Variants in FSTL5 observed in about 807,000 individuals in gnomAD.
FSTL5 encodes follistatin-related protein 5.
In FSTL5, 62 loss-of-function variants were observed where a neutral mutation model predicts 89.1. That is an observed-to-expected ratio of 0.70 (90% confidence interval 0.57 to 0.86). The LOEUF is 0.86. Among genes scored for constraint, FSTL5 ranks in the 40% least tolerant of loss-of-function variants. The probability of loss-of-function intolerance (pLI) is 0.00; values close to 1 mark genes in which losing one functional copy is unlikely to be tolerated. For synonymous variants in FSTL5, 383 were observed against 346.2 expected (o/e 1.11, Z -1.18); for missense variants, 1,057 against 1,001.6 (o/e 1.06, Z -0.75).
At chr4:161,533,109 C>A (rs1731478138) in intron 10 of FSTL5, among the ~76,000 whole-genome samples, 1 of 151,178 alleles carries the variant, frequency 6.6e-6, no homozygotes, top group South Asian at 2.1e-4. Context: ...TGGTAAATAC[C>A]TGCATCAAGA....
chr4:161,618,088 G>T (rs908983309), intron 7 of FSTL5, among the ~76,000 whole-genome samples: 2 of 150,228 alleles, frequency 1.3e-5, no homozygotes, highest in Admixed American at 1.3e-4. Flanking sequence ...TGAAGCAATT[G>T]TGAATGGGAG....
At chr4:161,474,503 A>G (rs1734054438) in intron 13 of FSTL5, among the ~76,000 whole-genome samples, 1 of 151,534 alleles carries the variant, frequency 6.6e-6, no homozygotes, top group African/African-American at 2.4e-5. Context: ...GCTTTTATAA[A>G]GATCTGTATT....
chr4:161,646,807 T>C (rs1036116738), intron 7 of FSTL5, among the ~76,000 whole-genome samples: 1 of 152,326 alleles, frequency 6.6e-6, no homozygotes, highest in African/African-American at 2.4e-5. Flanking sequence ...ACCATACAAA[T>C]GATCATCTTT....
Position 161,976,874 on chromosome 4 carries a change from CAAATTCTCTCA to C in FSTL5, c.161-56233_161-56223del, listed in dbSNP as rs146930391. 4.6e-3 allele frequency among the ~76,000 whole-genome samples: 695 copies of C among 152,260 alleles called. 37 individuals carry two copies. The East Asian group carries it at 0.12, about 26-fold the overall frequency. On this transcript the variant is annotated intron_variant, in intron 3 of 15. Transcript: ENST00000306100. ...AAGTATTCTACATAAATGAGAATTA[CAAATTCTCTCA>C]AGACTAAGTTTCTATGATTGAAACT...
chr4:162,130,050 G>C (rs1427523719), intron 1 of FSTL5, among the ~76,000 whole-genome samples: 2 of 152,160 alleles, frequency 1.3e-5, no homozygotes, highest in Non-Finnish European at 2.9e-5. Flanking sequence ...TAGATATTGA[G>C]CATTTTTCAT....
chr4:162,153,679 A>C lies in FSTL5; in HGVS notation c.-17+9936T>G, dbSNP rs1324276192. ...TGTATATAATATATGTATATTATATATGTATATAATAATATATATGTATAT... is the reference window on the plus strand; with the variant it reads ...TGTATATAATATATGTATATTATATCTGTATATAATAATATATATGTATAT... On this transcript the variant is annotated intron_variant, in intron 1 of 15. Coordinates refer to ENST00000306100, the MANE Select transcript of FSTL5 (RefSeq NM_020116.5). 3.7e-5 allele frequency among the ~76,000 whole-genome samples: 5 copies of C among 134,356 alleles called. 1 individual carries two copies. Among genetic ancestry groups the C allele is most frequent in the African/African-American group, 1.4e-4 (5 of 36,778 alleles). The allele number at this position is 134,356 out of a possible 152,430, so 88.1% of individuals were successfully genotyped here.
intron 2 of FSTL5, among the ~76,000 whole-genome samples, chr4:162,089,590 G>C (rs1353424697): frequency 7.8e-6 from 1 of 128,472 alleles, no homozygotes; most frequent in Non-Finnish European, 1.6e-5. Flanking sequence ...CCGAGATTAA[G>C]CCACTGAACT....
At chr4:161,768,461 A>G (rs1260026599) in intron 5 of FSTL5, among the ~76,000 whole-genome samples, 1 of 151,976 alleles carries the variant, frequency 6.6e-6, no homozygotes, top group Admixed American at 6.6e-5. Flanking sequence ...CAGAAATTCG[A>G]CTTGAGAGAC....
intron 4 of FSTL5, among the ~76,000 whole-genome samples, chr4:161,862,882 T>G (rs920488): frequency 6.6e-6 from 1 of 152,096 alleles, no homozygotes; most frequent in Admixed American, 6.5e-5. Context: ...GCTGTAAATG[T>G]ATGGATGAGT....
At position 161,729,120 on chromosome 4, in the gene FSTL5, T is replaced by C. The variant is rs534590756; in HGVS notation, c.727+30291A>G. Among the ~76,000 whole-genome samples the C allele has an allele frequency of 8.5e-5, 13 of 152,334 alleles. No individual in the cohort carries two copies. In the South Asian group the frequency reaches 1.9e-3, roughly 22 times the overall value. On this transcript the variant is annotated intron_variant, in intron 6 of 15. Transcript: ENST00000306100. Reference sequence around the variant, plus strand: ...CTCTCAACTCAAAGGGCAGCATATGTATTCACTTGTTATTTCCTGTGGTTT... The same window carrying C: ...CTCTCAACTCAAAGGGCAGCATATGCATTCACTTGTTATTTCCTGTGGTTT...
intron 3 of FSTL5, among the ~76,000 whole-genome samples, chr4:161,948,022 A>G (rs566647249): frequency 3.2e-4 from 48 of 152,182 alleles, no homozygotes; most frequent in African/African-American, 1.1e-3. Flanking sequence ...CACACCTGTA[A>G]TCCCAGAGCT....
At chr4:161,567,476 T>C (rs1732860257) in intron 8 of FSTL5, among the ~76,000 whole-genome samples, 1 of 152,176 alleles carries the variant, frequency 6.6e-6, no homozygotes, top group South Asian at 2.1e-4. Flanking sequence ...GTCATTATAC[T>C]GTTTTTTAAG....
intron 4 of FSTL5, among the ~76,000 whole-genome samples, chr4:161,784,421 A>T (rs538818329): frequency 6.6e-6 from 1 of 152,196 alleles, no homozygotes; most frequent in South Asian, 2.1e-4. Context: ...AAATAACCAG[A>T]TTACAAAAAA....
chr4:161,470,722 T>G (rs1047809820), intron 13 of FSTL5, among the ~76,000 whole-genome samples: 1 of 152,210 alleles, frequency 6.6e-6, no homozygotes, highest in Non-Finnish European at 1.5e-5. Flanking sequence ...TTTCAATTCA[T>G]GAACATAGGT....
At chr4:161,713,638 C>G (rs1364976896) in intron 6 of FSTL5, among the ~76,000 whole-genome samples, 1 of 151,998 alleles carries the variant, frequency 6.6e-6, no homozygotes, top group Non-Finnish European at 1.5e-5. Context: ...AAGTTATTAT[C>G]CATTCAAAAT....
At chr4:161,954,953 TAATAATG>T (rs1734990013) in intron 3 of FSTL5, among the ~76,000 whole-genome samples, 1 of 151,550 alleles carries the variant, frequency 6.6e-6, no homozygotes. Context: ...TACAATAAAG[TAATAATG>T]ACAACATGTT....
chr4:161,585,711 C>A (rs528973347), intron 8 of FSTL5, among the ~76,000 whole-genome samples: 1 of 151,988 alleles, frequency 6.6e-6, no homozygotes, highest in Non-Finnish European at 1.5e-5. Context: ...ATGGATGCTG[C>A]ATTTACCTAG....
intron 1 of FSTL5, among the ~76,000 whole-genome samples, chr4:162,159,591 G>A (rs1733615092): frequency 6.6e-6 from 1 of 151,972 alleles, no homozygotes; most frequent in East Asian, 1.9e-4. Flanking sequence ...ACATTTATGT[G>A]TGAAAACATT....
Position 161,775,919 on chromosome 4 carries a change from C to T in FSTL5, c.565G>A (p.Ala189Thr). ...ATATCTACAAGTCCATTACTGTCTGCATCAAAATATTTAAACATTTGATCC... is the reference window on the plus strand; with the variant it reads ...ATATCTACAAGTCCATTACTGTCTGTATCAAAATATTTAAACATTTGATCC... ...LVDQMFKYFD[A>T]DSNGLVDINE... The change falls in exon 5 of 16, where the codon GCA becomes ACA. Residue 189 changes from alanine to threonine, a missense_variant. Transcript: ENST00000306100. 1 of 1,601,576 alleles carries T rather than the reference C, an allele frequency of 6.2e-7. No individual in the cohort carries two copies. Among genetic ancestry groups the T allele is most frequent in the Non-Finnish European group, 8.5e-7 (1 of 1,174,162 alleles).
Sources: gnomAD v4.1 joint callset for allele counts (sites outside exome capture counted in the v4.1 genomes callset) on GRCh38, gnomAD v4.1.1 for gene constraint, MANE v1.5 for transcripts, NCBI Gene and HGNC (gene_info 2026-07-23, HGNC 2026-07-21) for gene names.